GOLGB1: variants seen among roughly 807,000 people sequenced by gnomAD.
The protein encoded by GOLGB1 is golgin B1.
GOLGB1 carries 174 observed loss-of-function variants against 336.9 expected under a neutral mutation model. The observed-to-expected ratio is 0.52, with a 90% CI of 0.46 to 0.59. GOLGB1 has a LOEUF of 0.59. GOLGB1 is among the 20% of genes least tolerant of loss of function. GOLGB1 has a pLI of 0.00. For synonymous variants in GOLGB1, 1,208 were observed against 1,289.2 expected, an observed-to-expected ratio of 0.94 and a Z score of 1.35; for missense variants, 3,331 against 3,645.3, an observed-to-expected ratio of 0.91 and a Z score of 2.22.
intron 1 of GOLGB1, among the ~76,000 whole-genome samples, chr3:121,732,205 T>C (rs764420364): frequency 7.9e-5 from 12 of 152,116 alleles, no homozygotes; most frequent in Admixed American, 1.3e-4. Flanking sequence ...TACACACATA[T>C]AAATATGAAA....
intron 17 of GOLGB1, among the ~76,000 whole-genome samples, chr3:121,671,943 G>C (rs1397676081): frequency 6.6e-6 from 1 of 151,796 alleles, no homozygotes; most frequent in Non-Finnish European, 1.5e-5. Context: ...ATGTCCTCCA[G>C]TTCCATCTAT....
Position 121,664,577 on chromosome 3 carries a change from G to C in GOLGB1, c.9698C>G (p.Ser3233Ter). ...CACTCGGGTCCGTGAATGACAGAGT[G>C]AACGCAGGACTCGCTTCCATCCAAC... ...SGVGWKRVLR[S>*]LCHSRTRVPL... Residue 3233 changes from serine (S) to a stop codon, truncating the protein, a stop_gained, in exon 22 of 22, where the codon TCA becomes TGA. Coordinates refer to ENST00000614479, the MANE Select transcript of GOLGB1 (RefSeq NM_001366282.2). LOFTEE classifies it high-confidence loss of function. 6.2e-7 allele frequency: 1 copy of C among 1,613,664 alleles called. No individual in the cohort carries two copies. The highest frequency in any genetic ancestry group is 2.2e-5 in the East Asian group (1 of 44,880).
In GOLGB1 at chr3:121,695,084, T is replaced by C. The variant is rs543391072; in HGVS notation, c.5439A>G (p.Arg1813=). The change falls in exon 13 of 22, where the codon AGA becomes AGG. Residue 1813 remains arginine (R), a synonymous_variant. Coordinates refer to ENST00000614479, the MANE Select transcript of GOLGB1 (RefSeq NM_001366282.2). Reference sequence around the variant, plus strand: ...ATGGAACCGATTCTGAACATGTAGGTCTTGTGCTCATACTCAGAGAGTCTT... The same window carrying C: ...ATGGAACCGATTCTGAACATGTAGGCCTTGTGCTCATACTCAGAGAGTCTT... ...EEQDSLSMST[R]PTCSESVPSA... is the part of the protein sequence containing the mutation. 2 of 1,614,046 alleles carry C rather than the reference T, an allele frequency of 1.2e-6. No individual in the cohort carries two copies. The highest frequency in any genetic ancestry group is 1.3e-5 in the African/African-American group (1 of 75,010).
chr3:121,676,644 T>C (rs1940420331), intron 17 of GOLGB1, among the ~76,000 whole-genome samples: 1 of 152,132 alleles, frequency 6.6e-6, no homozygotes, highest in Admixed American at 6.5e-5. Context: ...CTTCCTAAAG[T>C]AGTTGGCTTC....
Position 121,692,402 on chromosome 3 carries a change from C to A in GOLGB1, c.6962G>T (p.Ser2321Ile), listed in dbSNP as rs745864502. The A allele has an allele frequency of 6.2e-7, 1 of 1,612,840 alleles. No individual in the cohort carries two copies. The highest frequency in any genetic ancestry group is 8.5e-7 in the Non-Finnish European group (1 of 1,179,698). The change falls in exon 14 of 22, where the codon AGT becomes ATT. Residue 2321 changes from serine to isoleucine, a missense_variant. Coordinates refer to ENST00000614479, the MANE Select transcript of GOLGB1 (RefSeq NM_001366282.2). The stretch of plus-strand genomic sequence containing the variant: ...TAAATCAGTCAACTGGTCTTTGAGA[C>A]TCTTAAGTTCTGATTCCAACTTAGC... ...ELAKLESELKSLKDQLTDLSN... is the reference protein window; with the variant it reads ...ELAKLESELKILKDQLTDLSN...
intron 4 of GOLGB1, among the ~76,000 whole-genome samples, chr3:121,728,908 GCC>G (rs748980333): frequency 5.9e-5 from 9 of 152,130 alleles, no homozygotes; most frequent in Non-Finnish European, 1.3e-4. Context: ...CTCTCTAAAT[GCC>G]TCACTTCAGT....
chr3:121,713,677 T>A (rs1287090536), intron 10 of GOLGB1, among the ~76,000 whole-genome samples: 1 of 152,138 alleles, frequency 6.6e-6, no homozygotes, highest in Non-Finnish European at 1.5e-5. Context: ...ATGTGATATA[T>A]CTTGAATAGG....
chr3:121,695,448 T>C lies in GOLGB1; in HGVS notation c.5075A>G (p.Gln1692Arg), dbSNP rs1942853417. 6.2e-7 allele frequency: 1 copy of C among 1,614,172 alleles called. No homozygotes were observed. Among genetic ancestry groups the C allele is most frequent in the Non-Finnish European group, 8.5e-7 (1 of 1,180,024 alleles). ...CTCTTCTTCCAGCTCTAGGATTTTC[T>C]GCTGTTTAGATTTAGCAAACTTTCT... ...KMRKFAKSKQ[Q>R]KILELEEEND... Residue 1692 changes from glutamine to arginine, a missense_variant, in exon 13 of 22, where the codon CAG becomes CGG. By Grantham distance (43) the Gln-to-Arg change is conservative. Coordinates refer to ENST00000614479, the MANE Select transcript of GOLGB1 (RefSeq NM_001366282.2).
chr3:121,664,552 C>T lies in GOLGB1; in HGVS notation c.9723G>A (p.Val3241=), dbSNP rs1308358244. ...GAAAGTAGATGGCTGCTAGAAGTGGCACTCGGGTCCGTGAATGACAGAGTG... is the reference window on the plus strand; with the variant it reads ...GAAAGTAGATGGCTGCTAGAAGTGGTACTCGGGTCCGTGAATGACAGAGTG... ...LRSLCHSRTR[V]PLLAAIYFLM... Residue 3241 remains valine (V), a synonymous_variant, in exon 22 of 22, where the codon GTG becomes GTA. Transcript: ENST00000614479. 1.2e-6 allele frequency: 2 copies of T among 1,613,426 alleles called. No individual in the cohort carries two copies. The highest frequency in any genetic ancestry group is 2.7e-5 in the African/African-American group (2 of 75,014).
In GOLGB1 at chr3:121,697,668, T is replaced by G; in HGVS notation, c.2855A>C (p.Glu952Ala). The G allele has an allele frequency of 1.2e-6, 2 of 1,612,706 alleles. No homozygotes were observed. Among genetic ancestry groups the G allele is most frequent in the Non-Finnish European group, 8.5e-7 (1 of 1,179,752 alleles). The change falls in exon 13 of 22, where the codon GAG (glutamate) becomes GCG (alanine). Residue 952 changes from glutamate to alanine, a missense_variant. Coordinates refer to ENST00000614479, the MANE Select transcript of GOLGB1 (RefSeq NM_001366282.2). ...LLSRAEEAKK[E>A]QVEEDNEVSS... ...AACTTCATTATCTTCTTCCACCTGC[T>G]CTTTTTTTGCTTCCTCAGCTCTGGA...
chr3:121,725,144 T>C lies in GOLGB1; in HGVS notation c.531+1769A>G, dbSNP rs1576437663. Among the ~76,000 whole-genome samples, 3 of 151,976 alleles carry C rather than the reference T, an allele frequency of 2.0e-5. No homozygotes were observed. In the South Asian group the frequency reaches 6.2e-4, roughly 32 times the overall value. On this transcript the variant is annotated intron_variant, in intron 5 of 21. Transcript: ENST00000614479. Reference sequence around the variant, plus strand: ...GCCAAGGGGAAATGAGGGGTTGGAATTGCCCTGCAGAGTCCCCACTAGAGT... The same window carrying C: ...GCCAAGGGGAAATGAGGGGTTGGAACTGCCCTGCAGAGTCCCCACTAGAGT...
At chr3:121,711,260 A>T (rs908804077) in intron 10 of GOLGB1, among the ~76,000 whole-genome samples, 2 of 152,166 alleles carry the variant, frequency 1.3e-5, no homozygotes, top group African/African-American at 4.8e-5. Flanking sequence ...TACTCATAGA[A>T]GAATCACATA....
chr3:121,686,131 A>T (rs901348349), intron 14 of GOLGB1, among the ~76,000 whole-genome samples: 2 of 152,234 alleles, frequency 1.3e-5, no homozygotes, highest in African/African-American at 2.4e-5. Context: ...GAAGTAATGG[A>T]TGTTTCACAA....
chr3:121,671,098 A>C (rs562446082), intron 17 of GOLGB1, among the ~76,000 whole-genome samples: 1 of 152,228 alleles, frequency 6.6e-6, no homozygotes, highest in African/African-American at 2.4e-5. Flanking sequence ...TTACAACTGC[A>C]AAGATGAGTA....
chr3:121,668,791 G>A (rs540951659), intron 18 of GOLGB1, among the ~76,000 whole-genome samples: 46 of 149,610 alleles, frequency 3.1e-4, no homozygotes, highest in African/African-American at 1.1e-3. Flanking sequence ...TTCCTCCTCC[G>A]TATCCTATAC....
rs753879846 is a variant in GOLGB1 at position 121,693,776 on chromosome 3, G to A, written c.6747C>T (p.Ser2249=). Residue 2249 remains serine, a synonymous_variant, in exon 13 of 22, where the codon TCC becomes TCT. Coordinates refer to ENST00000614479, the MANE Select transcript of GOLGB1 (RefSeq NM_001366282.2). ...TAATCTTTAATTCTTCCATATGGAT[G>A]GACATCTGTCTAAGTTGATCCTTTA... ...SVLKDQLRQM[S]IHMEELKINI... is the part of the protein sequence containing the mutation. 7 of 1,608,034 alleles carry A rather than the reference G, an allele frequency of 4.4e-6. No individual in the cohort carries two copies. The African/African-American group carries it at 9.4e-5, about 22-fold the overall frequency.
At chr3:121,748,273 T>C (rs1160183262) in intron 1 of GOLGB1, among the ~76,000 whole-genome samples, 1 of 152,220 alleles carries the variant, frequency 6.6e-6, no homozygotes, top group African/African-American at 2.4e-5. Context: ...CTTTTACGTT[T>C]ATACTTTTGC....
intron 13 of GOLGB1, among the ~76,000 whole-genome samples, chr3:121,693,513 A>G (rs1178600417): frequency 6.6e-6 from 1 of 152,158 alleles, no homozygotes; most frequent in Non-Finnish European, 1.5e-5. Context: ...AGAAGTACAG[A>G]AATCTCTCAA....
At chr3:121,716,142 G>T (rs1188205107) in intron 9 of GOLGB1, among the ~76,000 whole-genome samples, 1 of 152,158 alleles carries the variant, frequency 6.6e-6, no homozygotes, top group African/African-American at 2.4e-5. Flanking sequence ...TTGGTGAGAT[G>T]GAGTATTGGT....
Sources: gnomAD v4.1 joint callset for allele counts (sites outside exome capture counted in the v4.1 genomes callset) on GRCh38, gnomAD v4.1.1 for gene constraint, MANE v1.5 for transcripts, NCBI Gene and HGNC (gene_info 2026-07-23, HGNC 2026-07-21) for gene names.